The following CNTNAP5 variants were observed in gnomAD, a reference collection of about 807,000 sequenced individuals.
The protein encoded by CNTNAP5 is contactin-associated protein-like 5.
CNTNAP5 carries 72 observed loss-of-function variants against 150.2 expected under a neutral mutation model. The observed-to-expected ratio is 0.48, with a 90% CI of 0.40 to 0.58. The LOEUF is 0.58. Ranked by LOEUF, CNTNAP5 falls within the 20% of genes least tolerant of loss-of-function variation. CNTNAP5 has a pLI of 0.00. For missense variants in CNTNAP5, 1,636 were observed against 1,626.2 expected, an observed-to-expected ratio of 1.01 and a Z score of -0.10; for synonymous variants, 672 against 619.8, an observed-to-expected ratio of 1.08 and a Z score of -1.25.
intron 2 of CNTNAP5, among the ~76,000 whole-genome samples, chr2:124,239,826 C>CT (rs556141868): frequency 2.2e-4 from 33 of 152,126 alleles, no homozygotes; most frequent in South Asian, 1.5e-3. Flanking sequence ...ATAAGCCTCT[C>CT]TGTCAATTTT....
intron 1 of CNTNAP5, among the ~76,000 whole-genome samples, chr2:124,175,673 A>G (rs183968884): frequency 1.6e-3 from 240 of 152,308 alleles, no homozygotes; most frequent in African/African-American, 5.5e-3. Context: ...ATAAGTGAGA[A>G]TACGCAGTAT....
intron 1 of CNTNAP5, among the ~76,000 whole-genome samples, chr2:124,036,189 G>A (rs1238845240): frequency 6.6e-6 from 1 of 151,828 alleles, no homozygotes; most frequent in Non-Finnish European, 1.5e-5. Flanking sequence ...CTCCCAAAGT[G>A]CTGGGATTAC....
At chr2:124,644,025 T>C (rs1164878834) in intron 12 of CNTNAP5, among the ~76,000 whole-genome samples, 1 of 152,240 alleles carries the variant, frequency 6.6e-6, no homozygotes, top group African/African-American at 2.4e-5. Context: ...GCCCATACTT[T>C]GTTCACTAAC....
intron 14 of CNTNAP5, among the ~76,000 whole-genome samples, chr2:124,761,210 C>A (rs1327201255): frequency 6.6e-6 from 1 of 152,264 alleles, no homozygotes; most frequent in East Asian, 1.9e-4. Context: ...CCATGACGAT[C>A]ACCACTACCA....
intron 19 of CNTNAP5, among the ~76,000 whole-genome samples, chr2:124,862,697 G>A (rs563101305): frequency 1.3e-5 from 2 of 152,320 alleles, no homozygotes; most frequent in East Asian, 1.9e-4. Context: ...GCTCAGGGAG[G>A]TGATTAATGA....
chr2:124,201,967 C>T (rs927636930), intron 1 of CNTNAP5, among the ~76,000 whole-genome samples: 1 of 152,024 alleles, frequency 6.6e-6, no homozygotes, highest in African/African-American at 2.4e-5. Context: ...TCCTCGGCCC[C>T]TAAGACAGTG....
chr2:124,451,041 A>T (rs1244038291), intron 6 of CNTNAP5, among the ~76,000 whole-genome samples: 6 of 72,804 alleles, frequency 8.2e-5, no homozygotes, highest in African/African-American at 3.3e-4. Flanking sequence ...AAAAAAAAAA[A>T]AAAAAAAAAA....
chr2:124,180,573 T>C (rs1685184566), intron 1 of CNTNAP5, among the ~76,000 whole-genome samples: 1 of 152,118 alleles, frequency 6.6e-6, no homozygotes, highest in South Asian at 2.1e-4. Flanking sequence ...GAAAATAAAA[T>C]GATAAGTTTA....
At chr2:124,576,233 A>G (rs570395624) in intron 11 of CNTNAP5, among the ~76,000 whole-genome samples, 2 of 152,254 alleles carry the variant, frequency 1.3e-5, no homozygotes, top group South Asian at 4.1e-4. Flanking sequence ...GGGACATGCA[A>G]CTGAGTTTAT....
At chr2:124,498,974 T>C (rs1376073864) in intron 7 of CNTNAP5, among the ~76,000 whole-genome samples, 1 of 152,034 alleles carries the variant, frequency 6.6e-6, no homozygotes, top group Non-Finnish European at 1.5e-5. Flanking sequence ...AACCTAAGCC[T>C]CTAGAATTGA....
At chr2:124,264,389 TACACAC>T (rs200429155) in intron 3 of CNTNAP5, among the ~76,000 whole-genome samples, 2,698 of 126,446 alleles carry the variant, frequency 0.021, 30 homozygotes, top group Non-Finnish European at 0.033. Context: ...CACACACACA[TACACAC>T]ACACACACAC....
chr2:124,585,757 T>G (rs945021777), intron 11 of CNTNAP5, among the ~76,000 whole-genome samples: 2 of 150,012 alleles, frequency 1.3e-5, no homozygotes, highest in African/African-American at 4.9e-5. Context: ...TTACAAATCT[T>G]CTGAAGCAGA....
At chr2:124,238,783 T>C (rs1051613949) in intron 2 of CNTNAP5, among the ~76,000 whole-genome samples, 5 of 152,194 alleles carry the variant, frequency 3.3e-5, no homozygotes, top group Admixed American at 6.5e-5. Context: ...CTAGTGTAGG[T>C]GCAGTGCGTT....
At chr2:124,511,478 T>C (rs537588013) in intron 8 of CNTNAP5, among the ~76,000 whole-genome samples, 1 of 152,346 alleles carries the variant, frequency 6.6e-6, no homozygotes, top group African/African-American at 2.4e-5. Context: ...GCTTCAGTGG[T>C]TGTGCGTCAG....
chr2:124,770,037 A>G (rs1189199612), intron 16 of CNTNAP5, among the ~76,000 whole-genome samples: 2 of 152,218 alleles, frequency 1.3e-5, no homozygotes, highest in Non-Finnish European at 2.9e-5. Flanking sequence ...GGTGCAGCTT[A>G]AACATAGTAT....
At chr2:124,056,194 T>C (rs1262134443) in intron 1 of CNTNAP5, among the ~76,000 whole-genome samples, 1 of 152,228 alleles carries the variant, frequency 6.6e-6, no homozygotes, top group Non-Finnish European at 1.5e-5. Context: ...AGTTCGCTGA[T>C]TATTTCATCC....
Position 124,915,491 on chromosome 2 carries a change from C to G in CNTNAP5, c.*1203C>G, listed in dbSNP as rs1342760077. Among the ~76,000 whole-genome samples, 2 of 152,030 alleles carry G rather than the reference C, an allele frequency of 1.3e-5. No homozygotes were observed. The highest frequency in any genetic ancestry group is 2.9e-5 in the Non-Finnish European group (2 of 67,976). The stretch of plus-strand genomic sequence containing the variant: ...TCACATTTTTTAACATCAAGCTATT[C>G]TCCAAGAAGTTTAGGATGCATTAAC... On this transcript the variant is annotated 3_prime_UTR_variant, in exon 24 of 24. Transcript: ENST00000682447.
intron 19 of CNTNAP5, among the ~76,000 whole-genome samples, chr2:124,828,367 G>C (rs551931250): frequency 2.6e-5 from 4 of 152,162 alleles, no homozygotes; most frequent in African/African-American, 9.6e-5. Context: ...TGTAGTCCCA[G>C]TTACTTGGGA....
At chr2:124,812,169 A>G (rs1476318002) in intron 19 of CNTNAP5, among the ~76,000 whole-genome samples, 2 of 120,372 alleles carry the variant, frequency 1.7e-5, no homozygotes, top group Non-Finnish European at 3.2e-5. Flanking sequence ...TAATATATGT[A>G]TTTATAATAC....
Sources: gnomAD v4.1 joint callset for allele counts (sites outside exome capture counted in the v4.1 genomes callset) on GRCh38, gnomAD v4.1.1 for gene constraint, MANE v1.5 for transcripts, NCBI Gene and HGNC (gene_info 2026-07-23, HGNC 2026-07-21) for gene names.